WDR27: variants seen among roughly 807,000 people sequenced by gnomAD.
WDR27 encodes WD repeat domain 27.
Under a neutral mutation model 114.4 loss-of-function variants are expected in WDR27, and 100 were observed. That is an observed-to-expected ratio of 0.87 (90% CI 0.74 to 1.03). The LOEUF (loss-of-function observed/expected upper bound fraction) is 1.03. Ranked by LOEUF, WDR27 falls within the 50% of genes least tolerant of loss-of-function variation. The pLI is 0.00. For missense variants in WDR27, 1,129 were observed against 1,092.9 expected, an observed-to-expected ratio of 1.03 and a Z score of -0.47; for synonymous variants, 449 against 423.1, an observed-to-expected ratio of 1.06 and a Z score of -0.75.
At chr6:169,658,885 C>T (rs928426223) in intron 12 of WDR27, among the ~76,000 whole-genome samples, 3 of 152,130 alleles carry the variant, frequency 2.0e-5, no homozygotes, top group Non-Finnish European at 2.9e-5. Flanking sequence ...GATGGGGTTT[C>T]ACCATGTTAG....
At chr6:169,591,578 T>C (rs960524574) in intron 23 of WDR27, among the ~76,000 whole-genome samples, 11 of 152,218 alleles carry the variant, frequency 7.2e-5, no homozygotes, top group African/African-American at 2.7e-4. Flanking sequence ...TGGGGACCAA[T>C]GACATTTTAT....
chr6:169,554,434 G>A (rs1031295922), intron 25 of WDR27, among the ~76,000 whole-genome samples: 16 of 152,192 alleles, frequency 1.1e-4, no homozygotes, highest in African/African-American at 3.1e-4. Context: ...GATGTGCTAC[G>A]ATTCATGGCC....
At chr6:169,492,285 G>T (rs1048240980) in intron 25 of WDR27, among the ~76,000 whole-genome samples, 12 of 150,828 alleles carry the variant, frequency 8.0e-5, no homozygotes, top group Non-Finnish European at 1.3e-4. Flanking sequence ...GTAACTCAAT[G>T]AAATATAATA....
At chr6:169,651,281 T>C (rs1350466638) in intron 14 of WDR27, among the ~76,000 whole-genome samples, 4 of 150,892 alleles carry the variant, frequency 2.7e-5, no homozygotes, top group Non-Finnish European at 4.4e-5. Flanking sequence ...GCGTGTGCGC[T>C]GCGGTCAGGG....
At chr6:169,649,140 G>C in intron 15 of WDR27, 58 bp downstream of exon 15, 1 of 1,411,128 alleles carries the variant, frequency 7.1e-7, no homozygotes, top group Non-Finnish European at 9.8e-7. Context: ...ACCAGTTAAA[G>C]TGTTGGAAAG....
chr6:169,615,163 T>C (rs1352824353), intron 21 of WDR27, among the ~76,000 whole-genome samples: 4 of 152,168 alleles, frequency 2.6e-5, no homozygotes, highest in African/African-American at 7.2e-5. Context: ...GCAAACAGAC[T>C]AAACTCAACA....
At chr6:169,462,145 A>C (rs551885488) in intron 25 of WDR27, among the ~76,000 whole-genome samples, 1 of 151,774 alleles carries the variant, frequency 6.6e-6, no homozygotes, top group African/African-American at 2.4e-5. Context: ...AAAAAAAAAA[A>C]CTCCTGATAA....
chr6:169,487,953 G>A (rs781469200), intron 25 of WDR27, among the ~76,000 whole-genome samples: 4 of 152,170 alleles, frequency 2.6e-5, no homozygotes, highest in Admixed American at 6.5e-5. Context: ...TACTCCCACA[G>A]ACACAGCACT....
intron 17 of WDR27, among the ~76,000 whole-genome samples, chr6:169,640,707 T>G (rs1265248364): frequency 6.6e-6 from 1 of 152,226 alleles, no homozygotes; most frequent in East Asian, 1.9e-4. Flanking sequence ...AAGGGCGTCC[T>G]CCCAGTGGGA....
Position 169,693,194 on chromosome 6 carries a change from C to T in WDR27, c.-7-4182G>A, listed in dbSNP as rs75994185. Among the ~76,000 whole-genome samples, 419 of 152,148 alleles carry T rather than the reference C, an allele frequency of 2.8e-3. 2 individuals are homozygous for T. The highest frequency in any genetic ancestry group is 5.0e-3 in the Non-Finnish European group (339 of 67,990). On this transcript the variant is annotated intron_variant, in intron 1 of 25. Transcript: ENST00000448612. The stretch of plus-strand genomic sequence containing the variant: ...GGGATTGGGGTCATATCTTTACCCT[C>T]CTTAAACAAAATGATTGTCAGCTAA...
At chr6:169,455,431 G>C (rs1053018823), downstream of WDR27, among the ~76,000 whole-genome samples, 1 of 152,204 alleles carries the variant, frequency 6.6e-6, no homozygotes, top group Non-Finnish European at 1.5e-5. Flanking sequence ...TGAAGGCAGA[G>C]CAACCAACCA....
chr6:169,530,695 C>T lies in WDR27; in HGVS notation c.2645+41724G>A, dbSNP rs568002421. Among the ~76,000 whole-genome samples the T allele has an allele frequency of 1.1e-4, 16 of 152,330 alleles. No homozygotes were observed. The South Asian group carries it at 1.5e-3, about 14-fold the overall frequency. ...CAGCACCGCCCAGCAGCAGCTCAGC[C>T]TTCTTGAGGCCGGTGCCTCTCCACC... On this transcript the variant is annotated intron_variant, in intron 25 of 25. Transcript: ENST00000448612.
intron 13 of WDR27, among the ~76,000 whole-genome samples, chr6:169,654,173 C>G (rs377425181): frequency 8.5e-5 from 13 of 152,280 alleles, no homozygotes; most frequent in East Asian, 5.8e-4. Context: ...TTCAACAACA[C>G]AACAAAAAGA....
chr6:169,635,164 G>A (rs905909837), intron 19 of WDR27, among the ~76,000 whole-genome samples: 5 of 151,828 alleles, frequency 3.3e-5, no homozygotes, highest in Non-Finnish European at 5.9e-5. Context: ...TCAGGAGTTC[G>A]AGACCAGCCT....
At chr6:169,514,567 G>C (rs1793378490) in intron 25 of WDR27, among the ~76,000 whole-genome samples, 1 of 146,200 alleles carries the variant, frequency 6.8e-6, no homozygotes, top group Non-Finnish European at 1.5e-5. Context: ...ATAAAATATA[G>C]ATATTAAAAT....
intron 25 of WDR27, among the ~76,000 whole-genome samples, chr6:169,552,595 AAG>A (rs1457599743): frequency 6.6e-6 from 1 of 152,228 alleles, no homozygotes; most frequent in Admixed American, 6.5e-5. Context: ...TATAGCCAGA[AAG>A]AGGTAAAGGC....
At chr6:169,621,531 CACACGCACGCATATACAT>C (rs894944436) in intron 21 of WDR27, among the ~76,000 whole-genome samples, 1 of 151,338 alleles carries the variant, frequency 6.6e-6, no homozygotes, top group African/African-American at 2.4e-5. Flanking sequence ...TACATACACA[CACACGCACGCATATACAT>C]ACACACACGC....
At chr6:169,438,361 C>T in the WDR27 span, among the ~76,000 whole-genome samples, 2 of 151,580 alleles carry the variant, frequency 1.3e-5, no homozygotes, top group African/African-American at 4.9e-5. Context: ...CCTCAGCCTC[C>T]CAAGTAGCTG....
At chr6:169,621,606 ACATG>A (rs752708310) in intron 21 of WDR27, among the ~76,000 whole-genome samples, 70 of 152,014 alleles carry the variant, frequency 4.6e-4, no homozygotes, top group South Asian at 1.2e-3. Flanking sequence ...ACATACCCAC[ACATG>A]CATTCACGCA....
Sources: gnomAD v4.1 joint callset for allele counts (sites outside exome capture counted in the v4.1 genomes callset) on GRCh38, gnomAD v4.1.1 for gene constraint, MANE v1.5 for transcripts, NCBI Gene and HGNC (gene_info 2026-07-23, HGNC 2026-07-21) for gene names.